Variants in PCIF1 observed in about 807,000 individuals in gnomAD.
The protein encoded by PCIF1 is phosphorylated CTD interacting factor 1, also known as mRNA (2'-O-methyladenosine-N(6)-)-methyltransferase.
PCIF1 carries 12 observed loss-of-function variants against 86.9 expected under a neutral mutation model. The observed-to-expected ratio is 0.14, with a 90% confidence interval of 0.09 to 0.22. The LOEUF is 0.22. Ranked by LOEUF, PCIF1 falls within the 10% of genes least tolerant of loss-of-function variation. The pLI is 1.00. For missense variants in PCIF1, 701 were observed against 951.1 expected (o/e 0.74, Z 3.46); for synonymous variants, 397 against 372.0 (o/e 1.07, Z -0.77).
chr20:45,938,840 C>G, intron 2 of PCIF1, 141 bp from the exon 3 acceptor site: 1 of 1,078,898 alleles, frequency 9.3e-7, no homozygotes, highest in Non-Finnish European at 1.3e-6. Flanking sequence ...CCCAGGGCTG[C>G]TGTGTGGCAC....
chr20:45,945,637 C>G, intron 11 of PCIF1, 74 bp from the exon 12 acceptor site: 2 of 1,542,830 alleles, frequency 1.3e-6, no homozygotes, highest in South Asian at 2.4e-5. Flanking sequence ...TCTCTCGGTA[C>G]AAAGCATGTG....
chr20:45,945,989 A>C, intron 12 of PCIF1, 40 bp from the exon 13 acceptor site: 2 of 1,613,184 alleles, frequency 1.2e-6, no homozygotes, highest in Non-Finnish European at 1.7e-6. Context: ...GACATGAGGG[A>C]GCACTGCTGA....
At chr20:45,939,835 G>GC (rs2083455107) in intron 4 of PCIF1, among the ~76,000 whole-genome samples, 1 of 152,190 alleles carries the variant, frequency 6.6e-6, no homozygotes, top group African/African-American at 2.4e-5. Flanking sequence ...GGCATGGGCT[G>GC]TCTGGTGGGA....
chr20:45,945,327 A>G (rs1266414853), intron 11 of PCIF1, among the ~76,000 whole-genome samples: 1 of 152,254 alleles, frequency 6.6e-6, no homozygotes, highest in Non-Finnish European at 1.5e-5. Flanking sequence ...GTGAGTACTC[A>G]TAGGTAACTC....
chr20:45,945,690 C>T (rs376521607), intron 11 of PCIF1, 21 bp from the exon 12 acceptor site: 22 of 1,608,250 alleles, frequency 1.4e-5, no homozygotes, highest in Non-Finnish European at 1.9e-5. Context: ...TGTGGTCCCT[C>T]ACTGCTCTCC....
chr20:45,943,817 C>T lies in PCIF1; in HGVS notation c.1005+52C>T. On this transcript the variant is annotated intron_variant, in intron 10 of 16. Coordinates refer to ENST00000372409, the MANE Select transcript of PCIF1 (RefSeq NM_022104.4). The surrounding 1 kb of genome is among the most constrained non-coding windows in gnomAD (Gnocchi z 5.5). ...CAGTTTTAGGGCTCTGTGGCCACTT[C>T]CTCCAGGAAGCCTACTCTGCCTGTC... is the stretch of plus-strand genomic sequence containing the variant. 1.4e-6 allele frequency: 2 copies of T among 1,462,666 alleles called. No homozygotes were observed. The highest frequency in any genetic ancestry group is 1.9e-6 in the Non-Finnish European group (2 of 1,070,354). 90.6% of individuals were successfully genotyped at this position (1,462,666 alleles called of 1,614,324 possible).
In PCIF1 at chr20:45,947,001, G is replaced by C; in HGVS notation, c.1614-72G>C. Reference sequence around the variant, plus strand: ...CTCTTCAGTGTGGCTGCCTAGGGTTGGGGGGTGGCACCTGTTTCTGGTTGA... The same window carrying C: ...CTCTTCAGTGTGGCTGCCTAGGGTTCGGGGGTGGCACCTGTTTCTGGTTGA... On this transcript the variant is annotated intron_variant, in intron 14 of 16. Transcript: ENST00000372409. The surrounding 1 kb of genome is among the most constrained non-coding windows in gnomAD (Gnocchi z 5.4). 2 of 1,305,494 alleles carry C rather than the reference G, an allele frequency of 1.5e-6. No homozygotes were observed. Among genetic ancestry groups the C allele is most frequent in the South Asian group, 2.6e-5 (2 of 76,752 alleles). The allele number at this position is 1,305,494 out of a possible 1,614,324, so 80.9% of individuals were successfully genotyped here. A position where few individuals can be genotyped will look rare whatever the true frequency, so the allele number is the denominator to read the frequency against.
In PCIF1 at chr20:45,941,204, G is replaced by A; in HGVS notation, c.670G>A (p.Glu224Lys). ...QHYRELCQQR[E>K]GIEPPRESFN... ...CTATCGGGAGCTGTGCCAGCAGCGA[G>A]AGGGTACCTGCCTCTGGGCTGCAGC... Residue 224 changes from glutamate to lysine, a missense_variant, in exon 7 of 17, where the codon GAG becomes AAG. Physicochemically the swap from Glu to Lys is moderately conservative, Grantham distance 56. This residue lies in a region of PCIF1 where 129 missense variants were observed against 245.9 expected (regional missense o/e 0.52). Transcript: ENST00000372409. 1 of 1,600,364 alleles carries A rather than the reference G, an allele frequency of 6.2e-7. No homozygotes were observed. Among genetic ancestry groups the A allele is most frequent in the Non-Finnish European group, 8.5e-7 (1 of 1,171,906 alleles).
Position 45,943,242 on chromosome 20 carries a change from C to T in PCIF1, c.819C>T (p.Ile273=), listed in dbSNP as rs1334814143. 1 of 1,614,180 alleles carries T rather than the reference C, an allele frequency of 6.2e-7. No homozygotes were observed. The highest frequency in any genetic ancestry group is 1.1e-5 in the South Asian group (1 of 91,074). Residue 273 remains isoleucine, a splice_region_variant and synonymous_variant, in exon 8 of 17, where the codon ATC becomes ATT. Coordinates refer to ENST00000372409, the MANE Select transcript of PCIF1 (RefSeq NM_022104.4). The surrounding 1 kb of genome is among the most constrained non-coding windows in gnomAD (Gnocchi z 5.5). ...GTGAAATCATGAACGACATTCCTAT[C>T]AGGTACAGCTCCACAGCTGGGGATG... is the stretch of plus-strand genomic sequence containing the variant. The part of the protein sequence containing the change: ...MFREIMNDIP[I]RLSRIKFREE...
intron 1 of PCIF1, among the ~76,000 whole-genome samples, chr20:45,936,903 G>A (rs1163992402): frequency 6.6e-6 from 1 of 152,154 alleles, no homozygotes; most frequent in South Asian, 2.1e-4. Context: ...CTCCAGCCTG[G>A]GTGATGGAGT....
chr20:45,935,200 G>T (rs1447755450), intron 1 of PCIF1, among the ~76,000 whole-genome samples: 2 of 149,384 alleles, frequency 1.3e-5, no homozygotes, highest in East Asian at 4.0e-4. Flanking sequence ...AGGTGCGCGC[G>T]CGCGCGCGCG....
chr20:45,944,838 T>G (rs775866758), intron 10 of PCIF1, 30 bp from the exon 11 acceptor site: 2 of 1,599,328 alleles, frequency 1.3e-6, no homozygotes, highest in Non-Finnish European at 1.7e-6. Context: ...TGGCCTCCAC[T>G]AGCGCCCTGA....
At chr20:45,937,381 C>T in intron 1 of PCIF1, 37 bp from the exon 2 acceptor site, 1 of 399,336 alleles carries the variant, frequency 2.5e-6, no homozygotes, top group Non-Finnish European at 4.4e-6. Flanking sequence ...CTGCAGCATC[C>T]CACAGGTCTG....
chr20:45,938,499 A>G (rs1775564241), intron 2 of PCIF1, among the ~76,000 whole-genome samples: 1 of 152,164 alleles, frequency 6.6e-6, no homozygotes, highest in Non-Finnish European at 1.5e-5. Context: ...AAATATTTGC[A>G]GAATCAGTAG....
At position 45,943,636 on chromosome 20, in the gene PCIF1, CCTTT is replaced by C; in HGVS notation, c.906-26_906-23del. On this transcript the variant is annotated intron_variant, in intron 9 of 16. Transcript: ENST00000372409. The surrounding 1 kb of genome is among the most constrained non-coding windows in gnomAD (Gnocchi z 5.5). ...ATGAGGAGGGTGGAGCCAAGCCATT[CCTTT>C]CTTCTGCCCTCCCCTTGACTGGCAG... 1 of 1,543,862 alleles carries C rather than the reference CCTTT, an allele frequency of 6.5e-7. No individual in the cohort carries two copies. The highest frequency in any genetic ancestry group is 1.7e-4 in the Middle Eastern group (1 of 5,924).
intron 14 of PCIF1, among the ~76,000 whole-genome samples, chr20:45,946,703 A>G (rs1395515448): frequency 6.6e-6 from 1 of 152,014 alleles, no homozygotes; most frequent in Non-Finnish European, 1.5e-5. Flanking sequence ...CTTACAAACT[A>G]GGGGTTGAGG....
At chr20:45,946,775 G>T (rs1568797590) in intron 14 of PCIF1, among the ~76,000 whole-genome samples, 1 of 152,184 alleles carries the variant, frequency 6.6e-6, no homozygotes, top group East Asian at 1.9e-4. Context: ...GACCTCCAGA[G>T]GTCCAGAGCT....
chr20:45,939,418 C>T (rs1047240615), intron 4 of PCIF1, 79 bp downstream of exon 4: 185 of 1,584,542 alleles, frequency 1.2e-4, no homozygotes, highest in South Asian at 1.5e-4. Flanking sequence ...CCTGAGCAGC[C>T]GTTCAGTGCC....
In PCIF1 at chr20:45,944,900, C is replaced by A. The variant is rs765671280; in HGVS notation, c.1038C>A (p.Gly346=). Residue 346 remains glycine (G), a synonymous_variant, in exon 11 of 17, where the codon GGC becomes GGA. Coordinates refer to ENST00000372409, the MANE Select transcript of PCIF1 (RefSeq NM_022104.4). ...DRLEHLRRQC[G]PHVSAAAKDS... ...TGGAGCATCTGCGGAGGCAGTGTGGCCCCCACGTCTCGGCCGCAGCCAAGG... is the reference window on the plus strand; with the variant it reads ...TGGAGCATCTGCGGAGGCAGTGTGGACCCCACGTCTCGGCCGCAGCCAAGG... The A allele has an allele frequency of 3.7e-6, 6 of 1,613,838 alleles. No individual in the cohort carries two copies. The African/African-American group carries it at 8.0e-5, about 22-fold the overall frequency.
Sources: allele counts gnomAD v4.1 joint callset (sites outside exome capture counted in the v4.1 genomes callset), GRCh38; gene constraint gnomAD v4.1.1; regional missense constraint gnomAD v4.1.1; non-coding constraint Gnocchi (gnomAD v3.1); transcripts MANE v1.5; gene names NCBI Gene and HGNC (gene_info 2026-07-23, HGNC 2026-07-21).